The following PDE1C variants were observed in gnomAD, a reference collection of about 807,000 sequenced individuals.
The protein encoded by PDE1C is dual specificity calcium/calmodulin-dependent 3',5'-cyclic nucleotide phosphodiesterase 1C.
A neutral mutation model predicts 93.1 loss-of-function variants in PDE1C; 62 were observed. That is an observed-to-expected ratio of 0.67 (90% CI 0.54 to 0.82). The LOEUF (loss-of-function observed/expected upper bound fraction) is 0.82, where lower values mean the gene tolerates loss of function less well. Ranked by LOEUF, PDE1C falls within the 40% of genes least tolerant of loss-of-function variation. The pLI is 0.00. For missense variants in PDE1C, 742 were observed against 884.6 expected (o/e 0.84, Z 2.04); for synonymous variants, 325 against 310.1 (o/e 1.05, Z -0.50).
rs143588990 is a variant in PDE1C, at chr7:32,130,866, T to C, written c.308+38919A>G. On this transcript the variant is annotated intron_variant, in intron 3 of 18. Coordinates refer to the PDE1C transcript ENST00000396193. ...ACTGGGCAAGTGATGACAAAAAGTATAAGAGCACCTCCTCATCTCATGATC... is the reference window on the plus strand; with the variant it reads ...ACTGGGCAAGTGATGACAAAAAGTACAAGAGCACCTCCTCATCTCATGATC... 5.8e-3 allele frequency among the ~76,000 whole-genome samples: 877 copies of C among 152,158 alleles called. 7 individuals carry two copies. Among genetic ancestry groups the C allele is most frequent in the African/African-American group, 0.02 (815 of 41,504 alleles).
intron 2 of PDE1C, among the ~76,000 whole-genome samples, chr7:31,887,584 G>A (rs867261488): frequency 2.4e-4 from 36 of 152,198 alleles, no homozygotes; most frequent in Middle Eastern, 3.4e-3. Flanking sequence ...TTTGAATAAC[G>A]TCATGAACAA....
chr7:31,808,603 A>G (rs1029582407), intron 16 of PDE1C, among the ~76,000 whole-genome samples: 8 of 152,130 alleles, frequency 5.3e-5, no homozygotes, highest in African/African-American at 9.6e-5. Flanking sequence ...TTAAACAAAA[A>G]TAAGAACTAG....
rs188863912 is a variant in PDE1C, at chr7:32,240,420, G to A, written c.86-30881C>T. Among the ~76,000 whole-genome samples the A allele has an allele frequency of 4.6e-3, 704 of 152,262 alleles. 2 individuals are homozygous for A. The highest frequency in any genetic ancestry group is 7.3e-3 in the Non-Finnish European group (494 of 68,010). On this transcript the variant is annotated intron_variant, in intron 1 of 18. Coordinates refer to the PDE1C transcript ENST00000396193. ...TTTTGCAGAGCTTACAAGAGGAAAG[G>A]CAGAAAACAAACAGATACATATTTA...
At chr7:32,113,496 T>A (rs1798801721) in intron 3 of PDE1C, among the ~76,000 whole-genome samples, 1 of 151,504 alleles carries the variant, frequency 6.6e-6, no homozygotes, top group South Asian at 2.1e-4. Flanking sequence ...TAACTGTCCT[T>A]TTATTTCTAA....
intron 2 of PDE1C, among the ~76,000 whole-genome samples, chr7:32,202,883 G>C (rs904768045): frequency 1.1e-4 from 17 of 152,148 alleles, no homozygotes; most frequent in Admixed American, 7.9e-4. Flanking sequence ...ATTTTAACGT[G>C]AACAATACCA....
intron 2 of PDE1C, among the ~76,000 whole-genome samples, chr7:31,929,127 G>A (rs1584023485): frequency 6.6e-6 from 1 of 151,980 alleles, no homozygotes; most frequent in African/African-American, 2.4e-5. Context: ...AAAAAAGCAG[G>A]GGTTGCAATC....
the PDE1C span, among the ~76,000 whole-genome samples, chr7:31,733,621 C>T: frequency 6.6e-6 from 1 of 152,216 alleles, no homozygotes. Context: ...AATGCAGTGA[C>T]ACTACATACC....
rs2072430 is a variant in PDE1C, at chr7:31,850,490, G to A, written c.851+151C>T. ...TAAACTCTAAGTCTTGATTGAAGCT[G>A]ATCAGACTGATCTCTCATTTAGAGG... On this transcript the variant is annotated intron_variant, in intron 8 of 17. Transcript: ENST00000396191. The A allele has an allele frequency of 0.18, 111,231 of 624,842 alleles. 10,594 individuals carry two copies. Among genetic ancestry groups the A allele is most frequent in the South Asian group, 0.22 (11,685 of 52,672 alleles). 38.7% of individuals were successfully genotyped at this position (624,842 alleles called of 1,614,324 possible).
chr7:32,268,007 C>T (rs189171761), intron 1 of PDE1C, among the ~76,000 whole-genome samples: 77 of 152,274 alleles, frequency 5.1e-4, no homozygotes, highest in South Asian at 1.0e-3. Context: ...AAAAGTCAGG[C>T]TGGCACTGCT....
chr7:32,202,218 C>T (rs1439118205), intron 2 of PDE1C, among the ~76,000 whole-genome samples: 4 of 152,196 alleles, frequency 2.6e-5, no homozygotes, highest in African/African-American at 9.7e-5. Context: ...TGGTGGACCA[C>T]TGGCTAACAT....
intron 6 of PDE1C, among the ~76,000 whole-genome samples, chr7:31,868,220 C>G (rs1297596178): frequency 1.3e-5 from 2 of 152,202 alleles, no homozygotes; most frequent in East Asian, 3.9e-4. Flanking sequence ...TTTACGAAGT[C>G]TTGGATAAAT....
intron 1 of PDE1C, among the ~76,000 whole-genome samples, chr7:32,307,083 A>T (rs60931903): frequency 6.6e-6 from 1 of 152,220 alleles, no homozygotes; most frequent in Non-Finnish European, 1.5e-5. Flanking sequence ...CAAGAAAAAC[A>T]GCACTTAGTC....
At chr7:32,222,779 A>G (rs1289651514) in intron 1 of PDE1C, among the ~76,000 whole-genome samples, 1 of 152,196 alleles carries the variant, frequency 6.6e-6, no homozygotes, top group African/African-American at 2.4e-5. Flanking sequence ...GGACTCTAAC[A>G]TCAAACATAT....
intron 3 of PDE1C, among the ~76,000 whole-genome samples, chr7:32,076,658 GAAAAAAA>G (rs1390906777): frequency 8.5e-6 from 1 of 117,748 alleles, no homozygotes; most frequent in Non-Finnish European, 1.9e-5. Context: ...AAAAAAAAAA[GAAAAAAA>G]GAAAAAAGAA....
intron 2 of PDE1C, among the ~76,000 whole-genome samples, chr7:31,939,294 C>T (rs1157645033): frequency 6.6e-6 from 1 of 152,074 alleles, no homozygotes; most frequent in Non-Finnish European, 1.5e-5. Flanking sequence ...CATGGTTATT[C>T]AGTTCAGTGT....
At chr7:31,670,394 C>A in the PDE1C span, among the ~76,000 whole-genome samples, 1 of 152,068 alleles carries the variant, frequency 6.6e-6, no homozygotes, top group East Asian at 1.9e-4. Context: ...TTGAGCCATC[C>A]CCCCTGCACT....
the PDE1C span, among the ~76,000 whole-genome samples, chr7:31,655,028 C>T: frequency 1.2e-4 from 19 of 152,124 alleles, no homozygotes; most frequent in Admixed American, 9.2e-4. Context: ...TTTCTCCATT[C>T]CTCTGTCCTC....
chr7:31,894,063 C>T (rs929221375), intron 2 of PDE1C, among the ~76,000 whole-genome samples: 2 of 152,118 alleles, frequency 1.3e-5, no homozygotes, highest in Admixed American at 6.6e-5. Flanking sequence ...TAGACTCTGA[C>T]TTGGGGACTG....
intron 1 of PDE1C, among the ~76,000 whole-genome samples, chr7:32,237,763 CTTTTTTT>C (rs58726659): frequency 9.6e-6 from 1 of 104,650 alleles, no homozygotes; most frequent in African/African-American, 3.8e-5. Flanking sequence ...TATATATATA[CTTTTTTT>C]TTTTTTTTTT....
Sources: allele counts gnomAD v4.1 joint callset (sites outside exome capture counted in the v4.1 genomes callset), GRCh38; gene constraint gnomAD v4.1.1; transcripts MANE v1.5; gene names NCBI Gene and HGNC (gene_info 2026-07-23, HGNC 2026-07-21).